ICOS: variants seen among roughly 807,000 people sequenced by gnomAD.
The protein encoded by ICOS is inducible T-cell costimulator.
Under a neutral mutation model 24.6 loss-of-function variants are expected in ICOS, and 15 were observed. The ratio of observed to expected loss-of-function variants is 0.61; its 90% confidence interval spans 0.41 to 0.94. ICOS has a LOEUF of 0.94. ICOS is among the 40% of genes least tolerant of loss of function. The probability of loss-of-function intolerance (pLI) is 0.00; values close to 1 mark genes in which losing one functional copy is unlikely to be tolerated. For missense variants in ICOS, 200 were observed against 233.0 expected (o/e 0.86, Z 0.92); for synonymous variants, 89 against 77.5 (o/e 1.15, Z -0.78).
chr2:203,958,805 TTA>T, intron 4 of ICOS, among the ~76,000 whole-genome samples: 1 of 152,282 alleles, frequency 6.6e-6, no homozygotes, highest in East Asian at 1.9e-4. Flanking sequence ...TGCAAAGAGC[TTA>T]TGTTTCATTA....
rs1451342575 is a variant in ICOS, at chr2:203,961,041, C to G, written c.*1442C>G. The G allele has an allele frequency of 2.0e-5, 3 of 152,166 alleles. No homozygotes were observed. The highest frequency in any genetic ancestry group is 7.2e-5 in the African/African-American group (3 of 41,426). 9.4% of individuals were successfully genotyped at this position (152,166 alleles called of 1,614,324 possible). On this transcript the variant is annotated 3_prime_UTR_variant, in exon 5 of 5. Transcript: ENST00000316386. ...ATTATTCTTAGCTGGAATATTTTCT[C>G]TACTTCCTGTCTGCATGCCCAAGGC...
At chr2:203,950,328 A>G (rs1029872221) in intron 1 of ICOS, among the ~76,000 whole-genome samples, 6 of 152,284 alleles carry the variant, frequency 3.9e-5, no homozygotes, top group South Asian at 2.1e-4. Flanking sequence ...GAGACAGCCA[A>G]TCTGGCTGTT....
intron 1 of ICOS, among the ~76,000 whole-genome samples, chr2:203,949,303 GC>G (rs1320163742): frequency 2.0e-5 from 3 of 152,180 alleles, no homozygotes; most frequent in Non-Finnish European, 2.9e-5. Context: ...CCACTGTCTA[GC>G]TTCCTGTGGT....
intron 1 of ICOS, among the ~76,000 whole-genome samples, chr2:203,942,165 AT>A (rs545733882): frequency 4.3e-4 from 66 of 152,104 alleles, no homozygotes; most frequent in African/African-American, 1.4e-3. Flanking sequence ...TGATAAATAG[AT>A]TTTTTTTACA....
Position 203,955,787 on chromosome 2 carries a change from A to G in ICOS, c.210A>G (p.Gly70=). The change falls in exon 2 of 5, where the codon GGA becomes GGG. Residue 70 remains glycine, a synonymous_variant. Coordinates refer to ENST00000316386, the MANE Select transcript of ICOS (RefSeq NM_012092.4). ...TCTGCGATCTCACTAAGACAAAAGG[A>G]AGTGGAAACACAGTGTCCATTAAGA... ...QILCDLTKTK[G]SGNTVSIKSL... is the part of the protein sequence containing the mutation. 1 of 1,613,842 alleles carries G rather than the reference A, an allele frequency of 6.2e-7. No homozygotes were observed. Among genetic ancestry groups the G allele is most frequent in the Non-Finnish European group, 8.5e-7 (1 of 1,179,824 alleles).
chr2:203,961,149 T>C lies in ICOS; in HGVS notation c.*1550T>C, dbSNP rs886144012. The C allele has an allele frequency of 6.6e-6, 1 of 152,310 alleles. No individual in the cohort carries two copies. The highest frequency in any genetic ancestry group is 2.4e-5 in the African/African-American group (1 of 41,418). 9.4% of individuals were successfully genotyped at this position (152,310 alleles called of 1,614,324 possible). On this transcript the variant is annotated 3_prime_UTR_variant, in exon 5 of 5. Transcript: ENST00000316386. ...ATGTTGTAGTTTAACATTTTGTAAC[T>C]GTGTGCTTATAGTTTACAAGTGAGA...
intron 1 of ICOS, among the ~76,000 whole-genome samples, chr2:203,945,263 A>C (rs1484677881): frequency 6.6e-6 from 1 of 152,150 alleles, no homozygotes; most frequent in Non-Finnish European, 1.5e-5. Flanking sequence ...GTGGATTGGC[A>C]ATGGGAATGG....
At position 203,959,659 on chromosome 2, in the gene ICOS, C is replaced by T; in HGVS notation, c.*60C>T. The T allele has an allele frequency of 6.6e-7, 1 of 1,507,504 alleles. No individual in the cohort carries two copies. The highest frequency in any genetic ancestry group is 2.3e-5 in the East Asian group (1 of 44,438). The allele number at this position is 1,507,504 out of a possible 1,614,324, so 93.4% of individuals were successfully genotyped here. ...GGCCAGTTTTCCTCAACTTGAAGTG[C>T]AAGATTCTCTTATTTCCGGGACCAC... On this transcript the variant is annotated 3_prime_UTR_variant, in exon 5 of 5. Transcript: ENST00000316386.
intron 3 of ICOS, among the ~76,000 whole-genome samples, chr2:203,957,454 A>G (rs1249772537): frequency 2.0e-5 from 3 of 152,226 alleles, no homozygotes; most frequent in Admixed American, 1.3e-4. Context: ...CGAGTATGCT[A>G]GTACTCAAGT....
rs1472892992 is a variant in ICOS at position 203,960,414 on chromosome 2, C to T, written c.*815C>T. ...CAAGAATATTTTTGCTCCAGAAAGA[C>T]ATGTTCTTTTCTCAAATTCAGTTAA... On this transcript the variant is annotated 3_prime_UTR_variant, in exon 5 of 5. Coordinates refer to ENST00000316386, the MANE Select transcript of ICOS (RefSeq NM_012092.4). 1 of 152,122 alleles carries T rather than the reference C, an allele frequency of 6.6e-6. No homozygotes were observed. Among genetic ancestry groups the T allele is most frequent in the African/African-American group, 2.4e-5 (1 of 41,436 alleles). The allele number at this position is 152,122 out of a possible 1,614,324, so 9.4% of individuals were successfully genotyped here.
At chr2:203,944,688 C>T (rs1689839204) in intron 1 of ICOS, among the ~76,000 whole-genome samples, 1 of 152,064 alleles carries the variant, frequency 6.6e-6, no homozygotes, top group South Asian at 2.1e-4. Context: ...TAATGCAGTC[C>T]TTATCTTTGT....
intron 2 of ICOS, among the ~76,000 whole-genome samples, 189 bp downstream of exon 2, chr2:203,956,160 C>G (rs1424569198): frequency 6.6e-6 from 1 of 152,060 alleles, no homozygotes; most frequent in Non-Finnish European, 1.5e-5. Flanking sequence ...TAGTATTATT[C>G]AGCAATATGC....
At chr2:203,956,039 A>G in intron 2 of ICOS, 68 bp downstream of exon 2, 2 of 1,024,264 alleles carry the variant, frequency 2.0e-6, no homozygotes, top group Non-Finnish European at 3.0e-6. Flanking sequence ...TCTCACTAAT[A>G]AAATCAATTA....
chr2:203,940,089 C>T (rs543619632), intron 1 of ICOS, among the ~76,000 whole-genome samples: 7 of 152,234 alleles, frequency 4.6e-5, no homozygotes, highest in African/African-American at 1.7e-4. Context: ...AAGTAATTGA[C>T]ATGTTCAAAG....
chr2:203,956,612 G>T, intron 2 of ICOS, 47 bp from the exon 3 acceptor site: 1 of 1,267,194 alleles, frequency 7.9e-7, no homozygotes. Context: ...AAGAGAACTT[G>T]TGGTTCAGCA....
At chr2:203,940,791 A>C (rs1689753503) in intron 1 of ICOS, among the ~76,000 whole-genome samples, 1 of 149,340 alleles carries the variant, frequency 6.7e-6, no homozygotes, top group African/African-American at 2.5e-5. Flanking sequence ...GTTTCTATTA[A>C]TTTTTTTTTT....
chr2:203,955,649 T>G lies in ICOS; in HGVS notation c.72T>G (p.Gly24=). Residue 24 remains glycine, a synonymous_variant, in exon 2 of 5, where the codon GGT becomes GGG. Transcript: ENST00000316386. ...RIKVLTGEIN[G]SANYEMFIFH... ...CTTTTTATGCAGGAGAAATCAATGG[T>G]TCTGCCAATTATGAGATGTTTATAT... 1 of 1,612,158 alleles carries G rather than the reference T, an allele frequency of 6.2e-7. No homozygotes were observed. Among genetic ancestry groups the G allele is most frequent in the Non-Finnish European group, 8.5e-7 (1 of 1,178,268 alleles).
intron 1 of ICOS, among the ~76,000 whole-genome samples, chr2:203,944,124 G>A (rs1384149962): frequency 6.6e-6 from 1 of 152,214 alleles, no homozygotes; most frequent in Non-Finnish European, 1.5e-5. Context: ...AAATCTGCAT[G>A]CTGGATTCAC....
chr2:203,943,897 G>C (rs1426499833), intron 1 of ICOS, among the ~76,000 whole-genome samples: 1 of 152,078 alleles, frequency 6.6e-6, no homozygotes. Flanking sequence ...CCTCTGCTGA[G>C]TCATGCAGGT....
Sources: allele counts gnomAD v4.1 joint callset (sites outside exome capture counted in the v4.1 genomes callset), GRCh38; gene constraint gnomAD v4.1.1; transcripts MANE v1.5; gene names NCBI Gene and HGNC (gene_info 2026-07-23, HGNC 2026-07-21).